Variants in QTMAN observed in about 807,000 individuals in gnomAD.
QTMAN encodes queuosine-tRNA mannosyltransferase.
At chr2:144,251,755 G>A in the QTMAN span, among the ~76,000 whole-genome samples, 3 of 152,130 alleles carry the variant, frequency 2.0e-5, no homozygotes, top group Non-Finnish European at 4.4e-5. Context: ...AAAAACTTCT[G>A]CTCTGTGAAA....
chr2:144,206,576 T>C, the QTMAN span, among the ~76,000 whole-genome samples: 1 of 152,214 alleles, frequency 6.6e-6, no homozygotes, highest in Non-Finnish European at 1.5e-5. Flanking sequence ...TATAGTTAAC[T>C]GCAAAGGCTA....
chr2:144,208,852 TA>T, the QTMAN span: 2 of 1,051,604 alleles, frequency 1.9e-6, no homozygotes, highest in Non-Finnish European at 1.3e-6. Context: ...CATACATGTA[TA>T]AAATTTTTAA....
the QTMAN span, among the ~76,000 whole-genome samples, chr2:144,095,953 C>T: frequency 6.6e-6 from 1 of 152,126 alleles, no homozygotes; most frequent in Admixed American, 6.5e-5. Flanking sequence ...AAATGTCACT[C>T]TCCCTTGAAG....
At chr2:144,286,379 G>A in the QTMAN span, among the ~76,000 whole-genome samples, 6 of 152,284 alleles carry the variant, frequency 3.9e-5, no homozygotes, top group Admixed American at 2.6e-4. Context: ...GAATTTAGTG[G>A]TTATTTCCAG....
the QTMAN span, among the ~76,000 whole-genome samples, chr2:144,128,835 T>A: frequency 6.6e-6 from 1 of 152,028 alleles, no homozygotes. Flanking sequence ...CTGTCTACAG[T>A]GGAAATGTAG....
the QTMAN span, among the ~76,000 whole-genome samples, chr2:144,253,543 C>A: frequency 2.6e-5 from 4 of 152,020 alleles, no homozygotes; most frequent in African/African-American, 9.7e-5. Flanking sequence ...GAGGTGGTCT[C>A]AGATGGAGAT....
the QTMAN span, among the ~76,000 whole-genome samples, chr2:144,310,174 G>A: frequency 6.6e-6 from 1 of 152,148 alleles, no homozygotes; most frequent in African/African-American, 2.4e-5. Context: ...AAAGATTAGG[G>A]AATAAGTTAA....
At chr2:144,105,868 A>C in the QTMAN span, among the ~76,000 whole-genome samples, 1 of 152,178 alleles carries the variant, frequency 6.6e-6, no homozygotes, top group Non-Finnish European at 1.5e-5. Context: ...GGTCAGGTTA[A>C]CCACAAAGGG....
chr2:144,129,034 A>G, the QTMAN span, among the ~76,000 whole-genome samples: 1 of 151,790 alleles, frequency 6.6e-6, no homozygotes, highest in Non-Finnish European at 1.5e-5. Flanking sequence ...TTCTCACAGC[A>G]TGAGACAGAA....
chr2:144,313,841 A>G, the QTMAN span, among the ~76,000 whole-genome samples: 2 of 151,776 alleles, frequency 1.3e-5, no homozygotes, highest in African/African-American at 2.4e-5. Context: ...CATGAAGAAT[A>G]CTCCTACAGG....
the QTMAN span, among the ~76,000 whole-genome samples, chr2:144,175,167 AT>A: frequency 2.0e-5 from 3 of 152,326 alleles, no homozygotes; most frequent in South Asian, 4.1e-4. Flanking sequence ...TAAGAAAAAA[AT>A]ATATGAAAGA....
the QTMAN span, among the ~76,000 whole-genome samples, chr2:144,239,223 A>C: frequency 2.8e-3 from 422 of 152,290 alleles, 2 homozygotes; most frequent in African/African-American, 9.3e-3. Flanking sequence ...ATCAATATAG[A>C]AACGTATTTC....
At chr2:144,232,572 T>G in the QTMAN span, among the ~76,000 whole-genome samples, 1 of 152,174 alleles carries the variant, frequency 6.6e-6, no homozygotes, top group African/African-American at 2.4e-5. Flanking sequence ...CCAAAAATCA[T>G]TGACAATTTT....
At chr2:143,951,267 C>G in the QTMAN span, among the ~76,000 whole-genome samples, 90 of 151,650 alleles carry the variant, frequency 5.9e-4, no homozygotes, top group African/African-American at 2.1e-3. Flanking sequence ...ACCTTCAAAA[C>G]TCATAAAGCA....
chr2:144,237,584 T>C, the QTMAN span, among the ~76,000 whole-genome samples: 1 of 152,146 alleles, frequency 6.6e-6, no homozygotes, highest in African/African-American at 2.4e-5. Flanking sequence ...ATCCAAATTC[T>C]TGTCAAGTTC....
At chr2:144,045,397 C>A in the QTMAN span, among the ~76,000 whole-genome samples, 1 of 152,182 alleles carries the variant, frequency 6.6e-6, no homozygotes. Flanking sequence ...GATTAAATAA[C>A]CTGTTTAACA....
the QTMAN span, among the ~76,000 whole-genome samples, chr2:144,223,086 C>G: frequency 2.0e-5 from 3 of 152,098 alleles, no homozygotes; most frequent in Non-Finnish European, 4.4e-5. Flanking sequence ...ACAATCTAAA[C>G]AACATGTTTC....
chr2:144,117,035 C>T, the QTMAN span, among the ~76,000 whole-genome samples: 2 of 152,142 alleles, frequency 1.3e-5, no homozygotes, highest in African/African-American at 2.4e-5. Context: ...AAAAGTGAAG[C>T]CTGGTGAATA....
chr2:144,263,073 A>G, the QTMAN span, among the ~76,000 whole-genome samples: 5 of 151,736 alleles, frequency 3.3e-5, no homozygotes, highest in Admixed American at 1.3e-4. Flanking sequence ...CTCACGACCC[A>G]TATCTCCATA....
Sources: gnomAD v4.1 joint callset for allele counts (sites outside exome capture counted in the v4.1 genomes callset) on GRCh38, gnomAD v4.1.1 for gene constraint, MANE v1.5 for transcripts, NCBI Gene and HGNC (gene_info 2026-07-23, HGNC 2026-07-21) for gene names.